The following TNS1 variants were observed in gnomAD, a reference collection of about 807,000 sequenced individuals.
The protein encoded by TNS1 is tensin 1.
A neutral mutation model predicts 168.6 loss-of-function variants in TNS1; 62 were observed. The ratio of observed to expected loss-of-function variants is 0.37; its 90% CI spans 0.30 to 0.45. TNS1 has a LOEUF of 0.45. Ranked by LOEUF, TNS1 falls within the 20% of genes least tolerant of loss-of-function variation. The pLI, the probability that TNS1 is intolerant of heterozygous loss-of-function variation, is 1.00. For synonymous variants in TNS1, 934 were observed against 933.2 expected (o/e 1.00, Z -0.02); for missense variants, 2,240 against 2,339.4 (o/e 0.96, Z 0.88).
intron 18 of TNS1, among the ~76,000 whole-genome samples, chr2:217,858,792 T>C (rs528458298): frequency 1.3e-5 from 2 of 151,978 alleles, no homozygotes; most frequent in African/African-American, 4.8e-5. Flanking sequence ...GCCAGTGGGA[T>C]AAAACTGTCT....
intron 30 of TNS1, 24 bp downstream of exon 30, chr2:217,809,799 G>T: frequency 1.2e-6 from 2 of 1,604,208 alleles, no homozygotes; most frequent in South Asian, 1.1e-5. Context: ...GAACCCCACC[G>T]AGGAGCAGGC....
At chr2:217,876,425 A>G (rs1400107471) in intron 18 of TNS1, among the ~76,000 whole-genome samples, 1 of 152,218 alleles carries the variant, frequency 6.6e-6, no homozygotes, top group African/African-American at 2.4e-5. Flanking sequence ...CTGAGCCGGC[A>G]GGCTCCAGAT....
At chr2:217,818,835 CT>C in intron 23 of TNS1, 76 bp from the exon 24 acceptor site, 1 of 1,224,760 alleles carries the variant, frequency 8.2e-7, no homozygotes. Context: ...GCTGTCTGCC[CT>C]CCCTCCAACC....
chr2:217,909,832 G>A (rs976625119), intron 4 of TNS1, among the ~76,000 whole-genome samples: 16 of 152,166 alleles, frequency 1.1e-4, no homozygotes, highest in African/African-American at 2.9e-4. Context: ...TAATTCTCTC[G>A]GCTGCTACCT....
rs531677220 is a variant in TNS1 at position 217,856,466 on chromosome 2, T to C, written c.1430-7379A>G. ...AGCTGGGGATTGAGGCAGCCCTTTG[T>C]TCCCCACAGCCTGCAGCGAGCTCTG... On this transcript the variant is annotated intron_variant, in intron 18 of 32. Coordinates refer to ENST00000682258, the MANE Select transcript of TNS1 (RefSeq NM_001387777.1). 3.0e-3 allele frequency among the ~76,000 whole-genome samples: 461 copies of C among 152,256 alleles called. 1 individual carries two copies. Among genetic ancestry groups the C allele is most frequent in the Middle Eastern group, 0.01 (3 of 294 alleles).
chr2:217,806,591 T>C (rs1354597404), intron 32 of TNS1, among the ~76,000 whole-genome samples: 1 of 152,102 alleles, frequency 6.6e-6, no homozygotes, highest in Non-Finnish European at 1.5e-5. Context: ...AACAGGAAGT[T>C]CCAGCCTGCT....
intron 18 of TNS1, among the ~76,000 whole-genome samples, chr2:217,855,438 G>C (rs945083042): frequency 1.3e-5 from 2 of 152,168 alleles, no homozygotes; most frequent in African/African-American, 4.8e-5. Context: ...CCTCTACGGT[G>C]CTCCTGTTGT....
intron 3 of TNS1, 88 bp from the exon 4 acceptor site, chr2:217,920,324 TG>T: frequency 1.4e-6 from 1 of 698,606 alleles, no homozygotes; most frequent in South Asian, 1.5e-5. Context: ...CACCTCCCCC[TG>T]CTTCATTCCC....
upstream of TNS1, among the ~76,000 whole-genome samples, chr2:218,015,238 T>C (rs1165710729): frequency 4.0e-5 from 6 of 151,790 alleles, no homozygotes; most frequent in African/African-American, 1.5e-4. Flanking sequence ...CTGCCAGGGG[T>C]CACACAGCTA....
At chr2:217,876,920 T>G (rs1356820302) in intron 18 of TNS1, among the ~76,000 whole-genome samples, 1 of 152,134 alleles carries the variant, frequency 6.6e-6, no homozygotes, top group Non-Finnish European at 1.5e-5. Flanking sequence ...AACAAGCCCC[T>G]GGGTCTGTGG....
chr2:217,821,626 G>T, intron 23 of TNS1, 114 bp downstream of exon 23: 1 of 1,062,534 alleles, frequency 9.4e-7, no homozygotes, highest in Non-Finnish European at 1.3e-6. Context: ...CGCCATCTGG[G>T]TATGCTTTCT....
At chr2:218,000,774 G>A (rs536137379) in intron 1 of TNS1, among the ~76,000 whole-genome samples, 9 of 152,276 alleles carry the variant, frequency 5.9e-5, no homozygotes, top group African/African-American at 2.2e-4. Context: ...CTGGCCATGG[G>A]CATCACAGCC....
At chr2:217,887,765 G>A (rs980167053) in intron 12 of TNS1, among the ~76,000 whole-genome samples, 2 of 152,242 alleles carry the variant, frequency 1.3e-5, no homozygotes, top group African/African-American at 4.8e-5. Flanking sequence ...TGGATGGGGA[G>A]AGCAGGAAAG....
At chr2:217,902,517 C>T (rs953407266) in intron 6 of TNS1, among the ~76,000 whole-genome samples, 30 of 152,214 alleles carry the variant, frequency 2.0e-4, no homozygotes, top group African/African-American at 7.2e-4. Flanking sequence ...TGCAAAGGTG[C>T]AGGGGTAAGC....
At chr2:217,816,403 C>T (rs904588463) in intron 24 of TNS1, among the ~76,000 whole-genome samples, 2 of 152,170 alleles carry the variant, frequency 1.3e-5, no homozygotes, top group African/African-American at 2.4e-5. Context: ...AGTGCTTAGT[C>T]AATTTCAACC....
At chr2:217,961,260 C>CCAG (rs1957490680) in intron 3 of TNS1, among the ~76,000 whole-genome samples, 1 of 139,924 alleles carries the variant, frequency 7.1e-6, no homozygotes, top group African/African-American at 2.9e-5. Context: ...CACACACACA[C>CCAG]AGAGAGAGAG....
At chr2:217,893,084 C>A (rs1054736776) in intron 10 of TNS1, 72 bp from the exon 11 acceptor site, 63 of 1,580,508 alleles carry the variant, frequency 4.0e-5, no homozygotes, top group East Asian at 6.7e-5. Context: ...TATCTAGAAG[C>A]CTTGGTGGAA....
chr2:218,015,591 A>G (rs992349477), intron 1 of TNS1, among the ~76,000 whole-genome samples: 1 of 152,050 alleles, frequency 6.6e-6, no homozygotes, highest in Non-Finnish European at 1.5e-5. Flanking sequence ...CTTCTGCACA[A>G]TGAATGCCTT....
At chr2:218,023,172 A>G (rs1958823591) in intron 1 of TNS1, among the ~76,000 whole-genome samples, 1 of 152,130 alleles carries the variant, frequency 6.6e-6, no homozygotes, top group Admixed American at 6.5e-5. Flanking sequence ...CCTCCCCACT[A>G]AAGGGTCTAG....
Sources: allele counts gnomAD v4.1 joint callset (sites outside exome capture counted in the v4.1 genomes callset), GRCh38; gene constraint gnomAD v4.1.1; transcripts MANE v1.5; gene names NCBI Gene and HGNC (gene_info 2026-07-23, HGNC 2026-07-21).